The following HHLA2 variants were observed in gnomAD, a reference collection of about 807,000 sequenced individuals.
The protein encoded by HHLA2 is HHLA2 member of B7 family.
In HHLA2, 48 loss-of-function variants were observed where a neutral mutation model predicts 45.9. The ratio of observed to expected loss-of-function variants is 1.05; its 90% CI spans 0.83 to 1.33. The LOEUF (loss-of-function observed/expected upper bound fraction) is 1.33, where lower values mean the gene tolerates loss of function less well. HHLA2 is among the 40% of genes most tolerant of loss of function. The pLI is 0.00. For synonymous variants in HHLA2, 161 were observed against 173.9 expected, an observed-to-expected ratio of 0.93 and a Z score of 0.59; for missense variants, 462 against 494.3, an observed-to-expected ratio of 0.93 and a Z score of 0.62.
At chr3:108,329,062 G>A (rs1013355955) in intron 3 of HHLA2, among the ~76,000 whole-genome samples, 8 of 152,190 alleles carry the variant, frequency 5.3e-5, no homozygotes, top group African/African-American at 1.9e-4. Context: ...CCCAGAGAGT[G>A]TTTGATTAGC....
intron 1 of HHLA2, among the ~76,000 whole-genome samples, chr3:108,304,491 G>A (rs2080897152): frequency 6.6e-6 from 1 of 151,968 alleles, no homozygotes; most frequent in Non-Finnish European, 1.5e-5. Context: ...CCTCTCATAG[G>A]ACTTAAGACA....
intron 3 of HHLA2, among the ~76,000 whole-genome samples, chr3:108,346,155 C>A (rs1479623863): frequency 6.6e-6 from 1 of 152,002 alleles, no homozygotes; most frequent in African/African-American, 2.4e-5. Context: ...TTTCCAAAAT[C>A]AAAAATAAAA....
At chr3:108,376,790 A>G (rs746054322) in intron 10 of HHLA2, 61 of 431,340 alleles carry the variant, frequency 1.4e-4, no homozygotes, top group Admixed American at 6.9e-4. Flanking sequence ...CTTGTCTCCT[A>G]TTGTTATTTG....
At chr3:108,297,680 C>T (rs955270300) in intron 1 of HHLA2, among the ~76,000 whole-genome samples, 24 of 152,104 alleles carry the variant, frequency 1.6e-4, no homozygotes, top group Admixed American at 1.6e-3. Flanking sequence ...AGTTTGGTGG[C>T]TCTTAAATAA....
At chr3:108,355,357 T>G (rs1054013550) in exon 6 of HHLA2, 1 of 1,613,656 alleles carries the variant, frequency 6.2e-7, no homozygotes, top group African/African-American at 1.3e-5. Context: ...GAAGCAAACA[T>G]GGACAGGGCG....
At chr3:108,356,032 T>TTTC (rs1435502974) in intron 6 of HHLA2, among the ~76,000 whole-genome samples, 1 of 144,578 alleles carries the variant, frequency 6.9e-6, no homozygotes, top group South Asian at 2.2e-4. Flanking sequence ...TGTTTTCCTT[T>TTTC]TTTTTTTTTT....
At chr3:108,350,234 C>A (rs1190077768) in intron 3 of HHLA2, among the ~76,000 whole-genome samples, 1 of 151,980 alleles carries the variant, frequency 6.6e-6, no homozygotes. Context: ...TTGACTTTAC[C>A]AACTATCTTA....
intron 5 of HHLA2, among the ~76,000 whole-genome samples, chr3:108,353,991 A>C (rs922987011): frequency 6.6e-6 from 1 of 152,210 alleles, no homozygotes; most frequent in African/African-American, 2.4e-5. Context: ...CCAGTGTTTT[A>C]CATTACATGG....
At chr3:108,373,584 G>A (rs376853060) in intron 8 of HHLA2, among the ~76,000 whole-genome samples, 3 of 152,268 alleles carry the variant, frequency 2.0e-5, no homozygotes, top group Non-Finnish European at 2.9e-5. Flanking sequence ...AAACCTCATC[G>A]TCTCAGCCCA....
chr3:108,361,982 T>G lies in HHLA2; in HGVS notation c.1004-360T>G, dbSNP rs745837837. On this transcript the variant is annotated intron_variant, in intron 7 of 10. Coordinates refer to ENST00000619531, the Ensembl canonical transcript of HHLA2. Reference sequence around the variant, plus strand: ...TATTACAGTATAAAGCAATAGAAACTGAAAATGCATAATAGATGTATTACC... The same window carrying G: ...TATTACAGTATAAAGCAATAGAAACGGAAAATGCATAATAGATGTATTACC... Among the ~76,000 whole-genome samples, 4 of 152,172 alleles carry G rather than the reference T, an allele frequency of 2.6e-5. No individual in the cohort carries two copies. In the East Asian group the frequency reaches 7.7e-4, roughly 29 times the overall value.
intron 3 of HHLA2, among the ~76,000 whole-genome samples, chr3:108,336,243 C>T (rs546851757): frequency 2.9e-4 from 44 of 152,178 alleles, no homozygotes; most frequent in East Asian, 9.6e-4. Flanking sequence ...AAGACAGCAC[C>T]GCAATCTCAC....
intron 8 of HHLA2, among the ~76,000 whole-genome samples, chr3:108,368,644 C>CAT (rs2082110957): frequency 7.2e-6 from 1 of 137,980 alleles, no homozygotes; most frequent in Non-Finnish European, 1.5e-5. Flanking sequence ...AAAGACGTTA[C>CAT]ATAATGGTAA....
intron 8 of HHLA2, among the ~76,000 whole-genome samples, chr3:108,368,002 T>C (rs1335564097): frequency 2.0e-5 from 3 of 152,150 alleles, no homozygotes; most frequent in African/African-American, 7.2e-5. Context: ...AGACTAACAA[T>C]GGATATCTCT....
chr3:108,299,459 G>A (rs1041845550), intron 1 of HHLA2, among the ~76,000 whole-genome samples: 7 of 151,686 alleles, frequency 4.6e-5, no homozygotes, highest in African/African-American at 1.7e-4. Flanking sequence ...AATCTTGTTA[G>A]TGTGGTGGGA....
chr3:108,298,982 A>G lies in HHLA2; in HGVS notation c.-192+2383A>G, dbSNP rs571778736. On this transcript the variant is annotated intron_variant, in intron 1 of 10. Coordinates refer to ENST00000619531, the Ensembl canonical transcript of HHLA2. ...GCTATCCAGGTCTGTCCTAGACACC[A>G]CCTTCGAGAAATGAGATCCTTTCTA... is the stretch of plus-strand genomic sequence containing the variant. 2.6e-4 allele frequency among the ~76,000 whole-genome samples: 40 copies of G among 152,316 alleles called. 1 individual carries two copies. Among genetic ancestry groups the G allele is most frequent in the Non-Finnish European group, 4.6e-4 (31 of 68,016 alleles).
chr3:108,317,815 C>A (rs181464014), intron 2 of HHLA2, among the ~76,000 whole-genome samples: 1 of 151,892 alleles, frequency 6.6e-6, no homozygotes, highest in Admixed American at 6.6e-5. Context: ...CCTTGTGATC[C>A]GCCCGCCTCA....
chr3:108,315,442 G>A (rs533299680), intron 2 of HHLA2, among the ~76,000 whole-genome samples: 26 of 152,292 alleles, frequency 1.7e-4, no homozygotes, highest in South Asian at 1.5e-3. Flanking sequence ...TCTTAAAGGC[G>A]TCATTAAGCC....
At chr3:108,312,607 C>T (rs2081038764) in intron 2 of HHLA2, among the ~76,000 whole-genome samples, 1 of 152,242 alleles carries the variant, frequency 6.6e-6, no homozygotes, top group Non-Finnish European at 1.5e-5. Context: ...TGAGGACAAG[C>T]TGGCCCCTTG....
chr3:108,329,877 A>G (rs1174709126), intron 3 of HHLA2, among the ~76,000 whole-genome samples: 1 of 152,202 alleles, frequency 6.6e-6, no homozygotes, highest in Non-Finnish European at 1.5e-5. Flanking sequence ...CTTAAGACAA[A>G]CATTTATCAT....
Sources: gnomAD v4.1 joint callset for allele counts (sites outside exome capture counted in the v4.1 genomes callset) on GRCh38, gnomAD v4.1.1 for gene constraint, MANE v1.5 for transcripts, NCBI Gene and HGNC (gene_info 2026-07-23, HGNC 2026-07-21) for gene names.